Variants in NLN observed in about 807,000 individuals in gnomAD.
NLN encodes the protein neurolysin, also known as neurolysin, mitochondrial.
NLN carries 64 observed loss-of-function variants against 79.9 expected under a neutral mutation model. That is an observed-to-expected ratio of 0.80 (90% CI 0.65 to 0.99). The LOEUF (loss-of-function observed/expected upper bound fraction) is 0.99, where lower values mean the gene tolerates loss of function less well. Ranked by LOEUF, NLN falls within the 50% of genes least tolerant of loss-of-function variation. The pLI, the probability that NLN is intolerant of heterozygous loss-of-function variation, is 0.00. For missense variants in NLN, 835 were observed against 858.7 expected (o/e 0.97, Z 0.34); for synonymous variants, 267 against 296.6 (o/e 0.90, Z 1.02).
chr5:65,816,205 A>G (rs147870422), intron 12 of NLN, among the ~76,000 whole-genome samples: 1 of 152,304 alleles, frequency 6.6e-6, no homozygotes, highest in African/African-American at 2.4e-5. Context: ...AAAAAATAAA[A>G]AGAACAAGAT....
At chr5:65,803,607 GC>G (rs1760341881) in intron 9 of NLN, among the ~76,000 whole-genome samples, 1 of 152,142 alleles carries the variant, frequency 6.6e-6, no homozygotes, top group Non-Finnish European at 1.5e-5. Flanking sequence ...TGGGGCTCCT[GC>G]CTTCTTCCAG....
In NLN at chr5:65,781,392, G is replaced by A. The variant is rs752892346; in HGVS notation, c.793G>A (p.Glu265Lys). Residue 265 changes from glutamate to lysine, a missense_variant, in exon 6 of 13, where the codon GAA (glutamate) becomes AAA (lysine). Coordinates refer to ENST00000380985, the MANE Select transcript of NLN (RefSeq NM_020726.5). ...CCIPETRRRM[E>K]MAFNTRCKEE... ...TATCCCTGAAACCAGAAGAAGGATG[G>A]AAATGGCTTTTAATACAAGGTGCAA... 18 of 1,609,098 alleles carry A rather than the reference G, an allele frequency of 1.1e-5. No homozygotes were observed. The Admixed American group carries it at 3.0e-4, about 27-fold the overall frequency.
At chr5:65,756,965 C>A (rs1034539434) in intron 1 of NLN, among the ~76,000 whole-genome samples, 1 of 152,178 alleles carries the variant, frequency 6.6e-6, no homozygotes. Flanking sequence ...TTTCTTGACA[C>A]ATTCCCCCTG....
chr5:65,812,104 G>A (rs1044599055), intron 11 of NLN, 151 bp from the exon 12 acceptor site: 3 of 662,472 alleles, frequency 4.5e-6, no homozygotes, highest in African/African-American at 3.7e-5. Context: ...TGGCCAAGAG[G>A]ACACATCAGC....
intron 7 of NLN, 181 bp downstream of exon 7, chr5:65,786,091 T>C: frequency 2.0e-6 from 1 of 492,616 alleles, no homozygotes; most frequent in East Asian, 3.0e-5. Context: ...ATTGTTTATA[T>C]TGCTAGTATA....
chr5:65,744,571 A>G (rs1213493138), intron 1 of NLN, among the ~76,000 whole-genome samples: 2 of 152,036 alleles, frequency 1.3e-5, no homozygotes, highest in Non-Finnish European at 2.9e-5. Flanking sequence ...GGAATAAAGA[A>G]CCAGCATTTA....
intron 6 of NLN, among the ~76,000 whole-genome samples, chr5:65,783,330 C>G (rs1293218525): frequency 6.6e-6 from 1 of 152,062 alleles, no homozygotes; most frequent in African/African-American, 2.4e-5. Context: ...AACTGTAAGT[C>G]AAGAGGTGAG....
At chr5:65,747,020 A>G (rs985657628) in intron 1 of NLN, among the ~76,000 whole-genome samples, 4 of 152,086 alleles carry the variant, frequency 2.6e-5, no homozygotes, top group Admixed American at 6.6e-5. Flanking sequence ...AAAAAAAAAA[A>G]AAGATTTTGC....
In NLN at chr5:65,788,160, G is replaced by A. The variant is rs565801382; in HGVS notation, c.1001G>A (p.Arg334Gln). 18 of 1,614,092 alleles carry A rather than the reference G, an allele frequency of 1.1e-5. No individual in the cohort carries two copies. Among genetic ancestry groups the A allele is most frequent in the Middle Eastern group, 1.7e-4 (1 of 6,060 alleles). ...TTAAAACCCTTGGGTGAAGCAGAAC[G>A]AGAGTTTATTTTGAATTTGAAGAAA... ...QKLKPLGEAE[R>Q]EFILNLKKKE... The change falls in exon 8 of 13, where the codon CGA becomes CAA. Residue 334 changes from arginine (R) to glutamine (Q), a missense_variant. Arg to Gln is a conservative substitution (Grantham distance 43). Transcript: ENST00000380985.
At chr5:65,777,996 T>C (rs1296712539) in intron 4 of NLN, among the ~76,000 whole-genome samples, 2 of 152,222 alleles carry the variant, frequency 1.3e-5, no homozygotes, top group African/African-American at 4.8e-5. Context: ...TCATGTGTGT[T>C]GAGCTTATTT....
chr5:65,812,326 A>G lies in NLN; in HGVS notation c.1915A>G (p.Ser639Gly). 1 of 1,591,592 alleles carries G rather than the reference A, an allele frequency of 6.3e-7. No homozygotes were observed. The highest frequency in any genetic ancestry group is 8.6e-7 in the Non-Finnish European group (1 of 1,159,572). The change falls in exon 12 of 13, where the codon AGT (serine) becomes GGT (glycine). Residue 639 changes from serine to glycine, a missense_variant. Transcript: ENST00000380985. ...TGGCCAATATTATGGATATCTTTGG[A>G]GTGAAGTATTTTCCATGGATATGTT... ...YDGQYYGYLW[S>G]EVFSMDMFYS...
chr5:65,807,407 T>C (rs1760438135), intron 9 of NLN, among the ~76,000 whole-genome samples: 1 of 151,878 alleles, frequency 6.6e-6, no homozygotes, highest in Non-Finnish European at 1.5e-5. Context: ...ATAAGGTGTA[T>C]ACATTGTCTT....
At chr5:65,744,637 G>C (rs1341540930) in intron 1 of NLN, among the ~76,000 whole-genome samples, 1 of 152,144 alleles carries the variant, frequency 6.6e-6, no homozygotes, top group Admixed American at 6.5e-5. Flanking sequence ...AGTGGCTCAT[G>C]CCTGTAATCC....
In NLN at chr5:65,780,282, G is replaced by T. The variant is rs775213008; in HGVS notation, c.661+1G>T. 2.3e-6 allele frequency: 3 copies of T among 1,285,760 alleles called. No individual in the cohort carries two copies. The East Asian group carries it at 7.5e-5, about 32-fold the overall frequency. The allele number at this position is 1,285,760 out of a possible 1,614,324, so 79.6% of individuals were successfully genotyped here. On this transcript the variant is annotated splice_donor_variant, in intron 5 of 12. Transcript: ENST00000380985. LOFTEE classifies it high-confidence loss of function. ...CTTGTATTTTCCAAGGCTGAACTTGGTAAGTTTTATTATTTTTCTAGATTA... is the reference window on the plus strand; with the variant it reads ...CTTGTATTTTCCAAGGCTGAACTTGTTAAGTTTTATTATTTTTCTAGATTA...
intron 9 of NLN, 46 bp from the exon 10 acceptor site, chr5:65,809,469 A>G (rs1399697533): frequency 1.4e-6 from 2 of 1,478,240 alleles, no homozygotes; most frequent in Non-Finnish European, 1.8e-6. Flanking sequence ...TTGCATATGT[A>G]CTTTCATTGA....
Position 65,763,034 on chromosome 5 carries a change from G to T in NLN, c.376G>T (p.Asp126Tyr). The T allele has an allele frequency of 6.2e-7, 1 of 1,613,918 alleles. No individual in the cohort carries two copies. The highest frequency in any genetic ancestry group is 8.5e-7 in the Non-Finnish European group (1 of 1,179,878). ...KEVRAASTEADKRLSRFDIEM... is the reference protein window; with the variant it reads ...KEVRAASTEAYKRLSRFDIEM... The stretch of plus-strand genomic sequence containing the variant: ...AGTACGAGCAGCAAGTACAGAAGCA[G>T]ACAAAAGACTTTCTCGTTTTGATAT... Residue 126 changes from aspartate (D) to tyrosine (Y), a missense_variant, in exon 3 of 13, where the codon GAC (aspartate) becomes TAC (tyrosine). Physicochemically the swap from Asp to Tyr is radical, Grantham distance 160 (BLOSUM62 -3). Transcript: ENST00000380985.
intron 6 of NLN, among the ~76,000 whole-genome samples, chr5:65,781,668 C>T (rs1354539169): frequency 2.0e-5 from 3 of 152,242 alleles, no homozygotes; most frequent in Non-Finnish European, 4.4e-5. Flanking sequence ...TTCTGTTGCT[C>T]CTCTCCTAAA....
intron 1 of NLN, among the ~76,000 whole-genome samples, chr5:65,723,554 C>A (rs1009486478): frequency 3.9e-5 from 6 of 152,096 alleles, no homozygotes; most frequent in African/African-American, 1.2e-4. Flanking sequence ...GTGGCTCATG[C>A]CTGTAATCCC....
At chr5:65,750,152 G>C (rs252621) in intron 1 of NLN, among the ~76,000 whole-genome samples, 65,803 of 152,026 alleles carry the variant, frequency 0.43, 15,392 homozygotes, top group Non-Finnish European at 0.53. Flanking sequence ...CTCAGGAATG[G>C]GATCATCCAG....
Sources: allele counts gnomAD v4.1 joint callset (sites outside exome capture counted in the v4.1 genomes callset), GRCh38; gene constraint gnomAD v4.1.1; transcripts MANE v1.5; gene names NCBI Gene and HGNC (gene_info 2026-07-23, HGNC 2026-07-21).